The following ME1 variants were observed in gnomAD, a reference collection of about 807,000 sequenced individuals.
The protein encoded by ME1 is malic enzyme 1.
Under a neutral mutation model 66.4 loss-of-function variants are expected in ME1, and 74 were observed. That is an observed-to-expected ratio of 1.11 (90% CI 0.92 to 1.35). The LOEUF is 1.35. ME1 is among the 40% of genes most tolerant of loss of function. The probability of loss-of-function intolerance (pLI) is 0.00; values close to 1 mark genes in which losing one functional copy is unlikely to be tolerated. For missense variants in ME1, 750 were observed against 694.1 expected, an observed-to-expected ratio of 1.08 and a Z score of -0.90; for synonymous variants, 251 against 235.6, an observed-to-expected ratio of 1.07 and a Z score of -0.60.
At chr6:83,310,486 C>T (rs1228855209) in intron 6 of ME1, among the ~76,000 whole-genome samples, 1 of 152,144 alleles carries the variant, frequency 6.6e-6, no homozygotes, top group African/African-American at 2.4e-5. Flanking sequence ...ATGTGCCTCC[C>T]AGGTAACCTA....
rs542099856 is a variant in ME1 at position 83,328,800 on chromosome 6, T to TA, written c.601-13388dup. Among the ~76,000 whole-genome samples, 307 of 152,238 alleles carry TA rather than the reference T, an allele frequency of 2.0e-3. 2 individuals carry two copies. Among genetic ancestry groups the TA allele is most frequent in the Non-Finnish European group, 3.1e-3 (210 of 68,000 alleles). ...GTGGAACTTCTTTAGCACTAGGTGT[T>TA]ACACTAAATGCATGTGGTGCCACTG... On this transcript the variant is annotated intron_variant, in intron 5 of 13. Transcript: ENST00000369705.
chr6:83,232,550 T>C (rs1790325483), intron 9 of ME1, among the ~76,000 whole-genome samples: 1 of 152,204 alleles, frequency 6.6e-6, no homozygotes, highest in Non-Finnish European at 1.5e-5. Flanking sequence ...TTTTAATACC[T>C]ACATGCATTG....
chr6:83,322,016 T>C (rs1179666996), intron 5 of ME1, among the ~76,000 whole-genome samples: 1 of 152,206 alleles, frequency 6.6e-6, no homozygotes, highest in Admixed American at 6.5e-5. Flanking sequence ...AAACAGGGAC[T>C]GGAGTGGACC....
At chr6:83,387,942 A>G (rs953244276) in intron 3 of ME1, among the ~76,000 whole-genome samples, 3 of 152,142 alleles carry the variant, frequency 2.0e-5, no homozygotes, top group Admixed American at 6.6e-5. Flanking sequence ...TTTTAACTAC[A>G]TCATCTACCA....
intron 6 of ME1, among the ~76,000 whole-genome samples, chr6:83,287,947 G>T (rs556901060): frequency 6.6e-6 from 1 of 152,228 alleles, no homozygotes; most frequent in South Asian, 2.1e-4. Context: ...CTGCATAAAT[G>T]TCTTCTTTTG....
intron 3 of ME1, among the ~76,000 whole-genome samples, chr6:83,367,727 T>G (rs2096223): frequency 0.32 from 48,549 of 152,106 alleles, 8,125 homozygotes; most frequent in Middle Eastern, 0.5. Flanking sequence ...AGGCTTTGGC[T>G]TAAAGGGAAT....
chr6:83,278,849 T>G (rs1313106559), intron 6 of ME1, among the ~76,000 whole-genome samples: 1 of 152,120 alleles, frequency 6.6e-6, no homozygotes, highest in African/African-American at 2.4e-5. Context: ...CCTAACTTAA[T>G]GGGGTTCACC....
At chr6:83,296,924 A>AAC (rs1223500921) in intron 6 of ME1, among the ~76,000 whole-genome samples, 1 of 152,208 alleles carries the variant, frequency 6.6e-6, no homozygotes, top group East Asian at 1.9e-4. Flanking sequence ...ATTTTGTTTC[A>AAC]ACATTCAGGA....
chr6:83,332,054 A>G (rs1296833663), intron 5 of ME1, among the ~76,000 whole-genome samples: 1 of 152,230 alleles, frequency 6.6e-6, no homozygotes, highest in Non-Finnish European at 1.5e-5. Flanking sequence ...AATTTACTTC[A>G]CGTAACAAGT....
At chr6:83,348,209 T>C (rs2128544061) in intron 4 of ME1, among the ~76,000 whole-genome samples, 1 of 152,318 alleles carries the variant, frequency 6.6e-6, no homozygotes, top group African/African-American at 2.4e-5. Flanking sequence ...AACTTAGCCC[T>C]GATTTAAGGT....
At chr6:83,297,371 A>G (rs918213110) in intron 6 of ME1, among the ~76,000 whole-genome samples, 9 of 152,250 alleles carry the variant, frequency 5.9e-5, no homozygotes, top group African/African-American at 2.2e-4. Flanking sequence ...TATCATTAAA[A>G]TGGCCGTACT....
intron 1 of ME1, among the ~76,000 whole-genome samples, chr6:83,412,464 A>G (rs985365872): frequency 6.6e-6 from 1 of 151,678 alleles, no homozygotes; most frequent in Admixed American, 6.6e-5. Flanking sequence ...TGTCGGATTA[A>G]CTAACTAATG....
intron 6 of ME1, among the ~76,000 whole-genome samples, chr6:83,309,474 G>C (rs1405112771): frequency 1.3e-5 from 2 of 152,110 alleles, no homozygotes; most frequent in Non-Finnish European, 2.9e-5. Flanking sequence ...CACAGGAAGA[G>C]GAAGAATGGG....
At chr6:83,392,710 A>G (rs1769645794) in intron 3 of ME1, 3 of 621,152 alleles carry the variant, frequency 4.8e-6, no homozygotes, top group South Asian at 4.1e-5. Context: ...CATGGAGTTC[A>G]CCAGCATCTT....
chr6:83,369,456 A>T (rs1769154252), intron 3 of ME1, among the ~76,000 whole-genome samples: 1 of 152,082 alleles, frequency 6.6e-6, no homozygotes, highest in Admixed American at 6.6e-5. Flanking sequence ...ATCTCCCACC[A>T]TATAATAAAA....
At position 83,369,671 on chromosome 6, in the gene ME1, CGAAGGAAGGAAG is replaced by C. The variant is rs796598711; in HGVS notation, c.363-17544_363-17533del. On this transcript the variant is annotated intron_variant, in intron 3 of 13. Transcript: ENST00000369705. ...ACAGAGAGAGGAAGGAAGGAAGGAA[CGAAGGAAGGAAG>C]GAAGGAAGGAAGGAAGGAAGGAAGG... 3.2e-3 allele frequency among the ~76,000 whole-genome samples: 232 copies of C among 72,338 alleles called. 1 individual carries two copies. Among genetic ancestry groups the C allele is most frequent in the Middle Eastern group, 8.9e-3 (1 of 112 alleles). 47.5% of individuals were successfully genotyped at this position (72,338 alleles called of 152,430 possible).
chr6:83,272,505 G>C (rs1270297783), intron 6 of ME1, among the ~76,000 whole-genome samples: 1 of 152,116 alleles, frequency 6.6e-6, no homozygotes, highest in African/African-American at 2.4e-5. Flanking sequence ...TGAAAGAGAA[G>C]TTGAAACAAA....
At chr6:83,276,722 A>G (rs939032561) in intron 6 of ME1, among the ~76,000 whole-genome samples, 6 of 152,138 alleles carry the variant, frequency 3.9e-5, no homozygotes, top group Non-Finnish European at 7.4e-5. Context: ...CTATTTTTTC[A>G]TTTCCCAATA....
Position 83,407,874 on chromosome 6 carries a change from G to A in ME1, c.106C>T (p.Gln36Ter). The change falls in exon 2 of 14, where the codon CAG (glutamine) becomes TAG (stop). Residue 36 changes from glutamine to a stop codon, truncating the protein, a stop_gained. Transcript: ENST00000369705. LOFTEE classifies it high-confidence loss of function. ...KDLAFTLEERQQLNIHGLLPP... is the reference protein window; with the variant it reads ...KDLAFTLEER ...AACAATCCATGAATGTTCAATTGCT[G>A]TCTCTCTTCCAGGGTAAAGGCCAAG... The A allele has an allele frequency of 6.2e-7, 1 of 1,612,600 alleles. No homozygotes were observed. The highest frequency in any genetic ancestry group is 8.5e-7 in the Non-Finnish European group (1 of 1,179,640).
Sources: gnomAD v4.1 joint callset for allele counts (sites outside exome capture counted in the v4.1 genomes callset) on GRCh38, gnomAD v4.1.1 for gene constraint, MANE v1.5 for transcripts, NCBI Gene and HGNC (gene_info 2026-07-23, HGNC 2026-07-21) for gene names.